IQSEC1: variants seen among roughly 807,000 people sequenced by gnomAD.
The protein encoded by IQSEC1 is IQ motif and SEC7 domain-containing protein 1.
Under a neutral mutation model 91.0 loss-of-function variants are expected in IQSEC1, and 31 were observed. The ratio of observed to expected loss-of-function variants is 0.34; its 90% confidence interval spans 0.26 to 0.46. IQSEC1 has a LOEUF of 0.46. Among genes scored for constraint, IQSEC1 ranks in the 20% least tolerant of loss-of-function variants. The pLI is 1.00. For synonymous variants in IQSEC1, 699 were observed against 662.6 expected (o/e 1.05, Z -0.84); for missense variants, 1,388 against 1,575.6 (o/e 0.88, Z 2.02).
rs1348940228 is a variant in IQSEC1 at position 12,900,595 on chromosome 3, CTGTTTT to C, written c.*382_*387del. The C allele has an allele frequency of 7.8e-6, 8 of 1,026,598 alleles. No homozygotes were observed. Among genetic ancestry groups the C allele is most frequent in the African/African-American group, 1.7e-5 (1 of 58,430 alleles). 63.6% of individuals were successfully genotyped at this position (1,026,598 alleles called of 1,614,324 possible). On this transcript the variant is annotated 3_prime_UTR_variant, in exon 14 of 14. Transcript: ENST00000613206. Reference sequence around the variant, plus strand: ...CAGCAAGTTTTGGGGTTTGTTTTGTCTGTTTTTGTATCTCATTTCTTCGTTTTCTAG... The same window carrying C: ...CAGCAAGTTTTGGGGTTTGTTTTGTCTGTATCTCATTTCTTCGTTTTCTAG...
At chr3:12,933,066 T>G (rs1181289768) in intron 3 of IQSEC1, among the ~76,000 whole-genome samples, 1 of 152,154 alleles carries the variant, frequency 6.6e-6, no homozygotes, top group Non-Finnish European at 1.5e-5. Flanking sequence ...ACTGCTTCGT[T>G]GCTAGGAAGG....
chr3:13,047,733 C>A (rs1486170195), intron 1 of IQSEC1, among the ~76,000 whole-genome samples: 1 of 152,178 alleles, frequency 6.6e-6, no homozygotes, highest in Non-Finnish European at 1.5e-5. Context: ...CTTGTCTCTA[C>A]CCCATGGCAA....
At chr3:13,043,442 G>C (rs563181726) in intron 1 of IQSEC1, among the ~76,000 whole-genome samples, 1 of 152,082 alleles carries the variant, frequency 6.6e-6, no homozygotes, top group African/African-American at 2.4e-5. Flanking sequence ...CCATGAATCC[G>C]GCACACCCTT....
chr3:13,039,858 C>T (rs917084676), intron 1 of IQSEC1, among the ~76,000 whole-genome samples: 1 of 152,252 alleles, frequency 6.6e-6, no homozygotes, highest in South Asian at 2.1e-4. Flanking sequence ...AGCTGCTCAG[C>T]TGGCAGCATG....
intron 1 of IQSEC1, 111 bp from the exon 2 acceptor site, chr3:12,941,976 C>T: frequency 4.0e-6 from 4 of 996,260 alleles, no homozygotes; most frequent in Non-Finnish European, 5.7e-6. Flanking sequence ...CATGCCCGTT[C>T]TTCTCACACC....
chr3:12,919,630 CTCT>C (rs773005050), intron 6 of IQSEC1, among the ~76,000 whole-genome samples: 1 of 152,272 alleles, frequency 6.6e-6, no homozygotes, highest in South Asian at 2.1e-4. Context: ...TTCACACTGG[CTCT>C]TCTTTGCTGT....
At chr3:12,912,300 C>T (rs1035677950) in intron 9 of IQSEC1, among the ~76,000 whole-genome samples, 1 of 152,212 alleles carries the variant, frequency 6.6e-6, no homozygotes, top group Non-Finnish European at 1.5e-5. Context: ...GAGCTCACAT[C>T]TCCCCGGTCT....
Position 12,898,865 on chromosome 3 carries a change from GAC to G in IQSEC1, c.*2116_*2117del, listed in dbSNP as rs997325285. ...CGGAACAGCCTCCTCAAAATTGCGA[GAC>G]AGAGTGCTTTGGGGAGCCTGGCTTT... On this transcript the variant is annotated 3_prime_UTR_variant, in exon 14 of 14. Transcript: ENST00000613206. 5 of 12,102 alleles carry G rather than the reference GAC, an allele frequency of 4.1e-4. No individual in the cohort carries two copies. In the African/African-American group the frequency reaches 5.8e-3, roughly 14 times the overall value. The allele number at this position is 12,102 out of a possible 1,614,324, so 0.7% of individuals were successfully genotyped here.
chr3:13,110,543 C>A (rs1248715020), intron 2 of IQSEC1, among the ~76,000 whole-genome samples: 1 of 152,166 alleles, frequency 6.6e-6, no homozygotes, highest in African/African-American at 2.4e-5. Flanking sequence ...GAGCCGAGAT[C>A]GCGCCATTGC....
chr3:13,132,520 C>T (rs1238987925), intron 2 of IQSEC1, among the ~76,000 whole-genome samples: 1 of 152,188 alleles, frequency 6.6e-6, no homozygotes, highest in East Asian at 1.9e-4. Context: ...TGTTTCAAGG[C>T]AACTCCAGCT....
At chr3:13,058,921 C>T (rs373972714) in intron 1 of IQSEC1, among the ~76,000 whole-genome samples, 5 of 152,028 alleles carry the variant, frequency 3.3e-5, no homozygotes, top group South Asian at 2.1e-4. Flanking sequence ...CTTTGGCCAG[C>T]GGCGGACAGC....
Position 13,282,587 on chromosome 3 carries a change from C to A in IQSEC1, c.272+124G>T, listed in dbSNP as rs150219640. Reference sequence around the variant, plus strand: ...CTGGGGGTCTGGCGGCGGGTGTGGGCGCTCCCGGGCCGGCCACGCGCCCTC... The same window carrying A: ...CTGGGGGTCTGGCGGCGGGTGTGGGAGCTCCCGGGCCGGCCACGCGCCCTC... On this transcript the variant is annotated intron_variant, in intron 1 of 15. Transcript: ENST00000648114. The surrounding 1 kb of genome is among the most constrained non-coding windows in gnomAD (Gnocchi z 6.4). Among the ~76,000 whole-genome samples, 528 of 151,912 alleles carry A rather than the reference C, an allele frequency of 3.5e-3. 12 individuals carry two copies. In the East Asian group the frequency reaches 0.067, roughly 19 times the overall value.
At chr3:13,222,251 C>T (rs973533042) in intron 1 of IQSEC1, among the ~76,000 whole-genome samples, 7 of 150,184 alleles carry the variant, frequency 4.7e-5, no homozygotes, top group Non-Finnish European at 1.0e-4. Context: ...CCTTTTGTGG[C>T]CGGCTCATTC....
intron 2 of IQSEC1, among the ~76,000 whole-genome samples, chr3:13,139,166 C>G (rs1022947342): frequency 3.9e-5 from 6 of 152,202 alleles, no homozygotes; most frequent in African/African-American, 1.4e-4. Flanking sequence ...ATTTTAACAA[C>G]GAGAAACTCA....
chr3:13,014,514 T>G (rs1395579052), intron 1 of IQSEC1, among the ~76,000 whole-genome samples: 2 of 152,136 alleles, frequency 1.3e-5, no homozygotes, highest in Non-Finnish European at 2.9e-5. Flanking sequence ...CATTGCTTCC[T>G]TATCACTGGG....
At chr3:13,265,916 CAAAAAAA>C (rs34132019) in intron 1 of IQSEC1, among the ~76,000 whole-genome samples, 31 of 110,802 alleles carry the variant, frequency 2.8e-4, no homozygotes, top group Admixed American at 3.1e-4. Flanking sequence ...TGCTTTATTG[CAAAAAAA>C]AAAAAAAAAA....
chr3:13,151,985 C>CAACAAA (rs972971783), intron 2 of IQSEC1, among the ~76,000 whole-genome samples: 4 of 152,096 alleles, frequency 2.6e-5, no homozygotes, highest in Admixed American at 2.6e-4. Context: ...AAAACAACAA[C>CAACAAA]AACAAAAACA....
chr3:13,204,134 G>C (rs1463533601), intron 1 of IQSEC1, among the ~76,000 whole-genome samples: 4 of 152,224 alleles, frequency 2.6e-5, no homozygotes, highest in Non-Finnish European at 1.5e-5. Context: ...ACTCTCCACC[G>C]GGCAGGGAAG....
chr3:12,977,464 G>A (rs1465580859), intron 1 of IQSEC1, among the ~76,000 whole-genome samples: 1 of 151,676 alleles, frequency 6.6e-6, no homozygotes, highest in Non-Finnish European at 1.5e-5. Context: ...ATATGAAAAT[G>A]GGTGGAGAAA....
Sources: allele counts gnomAD v4.1 joint callset (sites outside exome capture counted in the v4.1 genomes callset), GRCh38; gene constraint gnomAD v4.1.1; non-coding constraint Gnocchi (gnomAD v3.1); transcripts MANE v1.5; gene names NCBI Gene and HGNC (gene_info 2026-07-23, HGNC 2026-07-21).